Variants in CCDC38 observed in about 807,000 individuals in gnomAD.
CCDC38 encodes the protein coiled-coil domain containing 38.
In CCDC38, 69 loss-of-function variants were observed where a neutral mutation model predicts 72.8. That is an observed-to-expected ratio of 0.95 (90% CI 0.78 to 1.16). The LOEUF is 1.16. Among genes scored for constraint, CCDC38 ranks in the 50% most tolerant of loss-of-function variants. The pLI is 0.00. For missense variants in CCDC38, 626 were observed against 638.9 expected (o/e 0.98, Z 0.22); for synonymous variants, 201 against 213.2 (o/e 0.94, Z 0.50).
At chr12:95,932,335 G>T (rs2080346548) in intron 2 of CCDC38, among the ~76,000 whole-genome samples, 1 of 151,916 alleles carries the variant, frequency 6.6e-6, no homozygotes, top group African/African-American at 2.4e-5. Flanking sequence ...TTGCATATGA[G>T]GTATTTTCCC....
chr12:95,875,412 AT>A (rs2079624770), intron 13 of CCDC38, among the ~76,000 whole-genome samples: 1 of 131,382 alleles, frequency 7.6e-6, no homozygotes, highest in East Asian at 2.2e-4. Context: ...CAAGGGCAAA[AT>A]TTTTAGGGGA....
In CCDC38 at chr12:95,879,613, G is replaced by A. The variant is rs768812424; in HGVS notation, c.1142+31C>T. 8 of 1,484,184 alleles carry A rather than the reference G, an allele frequency of 5.4e-6. No individual in the cohort carries two copies. The highest frequency in any genetic ancestry group is 7.4e-6 in the Non-Finnish European group (8 of 1,081,896). The allele number at this position is 1,484,184 out of a possible 1,614,324, so 91.9% of individuals were successfully genotyped here. A position where few individuals can be genotyped will look rare whatever the true frequency, so the allele number is the denominator to read the frequency against. On this transcript the variant is annotated intron_variant, in intron 12 of 15. Transcript: ENST00000344280. This position sits in a 1 kb window ranked among gnomAD's most constrained non-coding sequence, Gnocchi z 5.5. ...AGGCTCTGGTTAGAAATTGCTTAAT[G>A]GAATAAATCTACTTGTTTATAATGA...
At chr12:95,919,733 C>T in intron 2 of CCDC38, 3 of 407,658 alleles carry the variant, frequency 7.4e-6, no homozygotes, top group Non-Finnish European at 1.5e-5. Context: ...ACCACCATTA[C>T]CCTTACACCA....
chr12:95,916,348 T>C (rs577656719), intron 4 of CCDC38, among the ~76,000 whole-genome samples: 1 of 147,788 alleles, frequency 6.8e-6, no homozygotes, highest in Admixed American at 6.8e-5. Context: ...GGCTTTGGGA[T>C]CCAGAGAAAA....
At chr12:95,910,222 T>C (rs1425657563) in intron 4 of CCDC38, among the ~76,000 whole-genome samples, 1 of 151,960 alleles carries the variant, frequency 6.6e-6, no homozygotes, top group African/African-American at 2.4e-5. Context: ...ACAAAATCAA[T>C]GTACAAAAAT....
intron 5 of CCDC38, among the ~76,000 whole-genome samples, chr12:95,902,951 T>C (rs2079965153): frequency 6.6e-6 from 1 of 152,166 alleles, no homozygotes; most frequent in Non-Finnish European, 1.5e-5. Flanking sequence ...ATTGCATTTA[T>C]AGATTAAATA....
At chr12:95,940,736 C>T (rs147646265) in intron 1 of CCDC38, among the ~76,000 whole-genome samples, 45 of 152,276 alleles carry the variant, frequency 3.0e-4, no homozygotes, top group African/African-American at 1.0e-3. Flanking sequence ...TGCACGCTGC[C>T]GCTTCTGACT....
At chr12:95,912,122 G>T (rs1426488340) in intron 4 of CCDC38, among the ~76,000 whole-genome samples, 1 of 152,150 alleles carries the variant, frequency 6.6e-6, no homozygotes, top group Non-Finnish European at 1.5e-5. Flanking sequence ...AAACAGAAAA[G>T]CAAATACTGC....
chr12:95,941,525 C>G (rs2080450652), intron 1 of CCDC38, among the ~76,000 whole-genome samples: 1 of 152,144 alleles, frequency 6.6e-6, no homozygotes, highest in Non-Finnish European at 1.5e-5. Flanking sequence ...TTATAGGAAA[C>G]AGAACTCAGA....
intron 2 of CCDC38, among the ~76,000 whole-genome samples, chr12:95,929,101 A>G (rs2080306965): frequency 6.6e-6 from 1 of 152,142 alleles, no homozygotes; most frequent in Non-Finnish European, 1.5e-5. Flanking sequence ...TGTTTACCTA[A>G]GCAAGCCTGG....
intron 8 of CCDC38, among the ~76,000 whole-genome samples, chr12:95,892,870 T>A (rs2079844282): frequency 6.6e-6 from 1 of 152,142 alleles, no homozygotes; most frequent in African/African-American, 2.4e-5. Context: ...CACCCGGACT[T>A]AAATTCTTAT....
intron 2 of CCDC38, among the ~76,000 whole-genome samples, chr12:95,929,879 T>G (rs949768276): frequency 6.6e-6 from 1 of 152,068 alleles, no homozygotes; most frequent in Non-Finnish European, 1.5e-5. Context: ...TAGGGGAGAA[T>G]CCTTCCACAG....
intron 2 of CCDC38, among the ~76,000 whole-genome samples, chr12:95,929,877 A>G (rs1158382592): frequency 6.6e-6 from 1 of 152,106 alleles, no homozygotes; most frequent in Non-Finnish European, 1.5e-5. Context: ...TCTAGGGGAG[A>G]ATCCTTCCAC....
intron 8 of CCDC38, among the ~76,000 whole-genome samples, chr12:95,893,969 T>C (rs2079858320): frequency 6.6e-6 from 1 of 152,096 alleles, no homozygotes; most frequent in East Asian, 1.9e-4. Flanking sequence ...TTTGTTAGGT[T>C]AATAAAACAT....
At chr12:95,871,655 T>A (rs1304769956) in intron 14 of CCDC38, among the ~76,000 whole-genome samples, 1 of 46,120 alleles carries the variant, frequency 2.2e-5, no homozygotes, top group Non-Finnish European at 5.2e-5. Flanking sequence ...ATGATAATCC[T>A]CATGAGGTTG....
chr12:95,878,426 T>A, intron 12 of CCDC38, 80 bp from the exon 13 acceptor site: 2 of 1,366,620 alleles, frequency 1.5e-6, no homozygotes, highest in Non-Finnish European at 2.0e-6. Flanking sequence ...TTTAACACTC[T>A]AGATCATGTG....
chr12:95,906,418 A>T lies in CCDC38; in HGVS notation c.338T>A (p.Ile113Asn). The change falls in exon 5 of 16, where the codon ATT becomes AAT. Residue 113 changes from isoleucine (I) to asparagine (N), a missense_variant. Transcript: ENST00000344280. ...SDTKRTVHEF[I>N]NDQRDRFLLE... ...CAGAAACCTGTCTCTCTGGTCATTAATAAATTCATGGACAGTCCTTTTTGT... is the reference window on the plus strand; with the variant it reads ...CAGAAACCTGTCTCTCTGGTCATTATTAAATTCATGGACAGTCCTTTTTGT... The T allele has an allele frequency of 6.2e-7, 1 of 1,613,552 alleles. No individual in the cohort carries two copies. The highest frequency in any genetic ancestry group is 8.5e-7 in the Non-Finnish European group (1 of 1,179,626).
chr12:95,903,418 A>T (rs1197396619), intron 5 of CCDC38: 1 of 699,494 alleles, frequency 1.4e-6, no homozygotes, highest in East Asian at 2.7e-5. Flanking sequence ...GGACCTCCAG[A>T]ACACTGACAA....
intron 3 of CCDC38, among the ~76,000 whole-genome samples, chr12:95,918,440 T>C (rs1479905513): frequency 6.6e-6 from 1 of 152,248 alleles, no homozygotes; most frequent in Non-Finnish European, 1.5e-5. Flanking sequence ...CCTTTCTCTA[T>C]ATTTCTTTGG....
Sources: gnomAD v4.1 joint callset for allele counts (sites outside exome capture counted in the v4.1 genomes callset) on GRCh38, gnomAD v4.1.1 for gene constraint, Gnocchi (gnomAD v3.1) non-coding constraint, MANE v1.5 for transcripts, NCBI Gene and HGNC (gene_info 2026-07-23, HGNC 2026-07-21) for gene names.